The following ADGRL4 variants were observed in gnomAD, a reference collection of about 807,000 sequenced individuals.
ADGRL4 encodes adhesion G protein-coupled receptor L4, also known as EGF, latrophilin and seven transmembrane domain containing 1.
In ADGRL4, 90 loss-of-function variants were observed where a neutral mutation model predicts 74.8. The observed-to-expected ratio is 1.20, with a 90% CI of 1.02 to 1.43. The LOEUF is 1.43. ADGRL4 is among the 40% of genes most tolerant of loss of function. The pLI is 0.00. For synonymous variants in ADGRL4, 311 were observed against 279.2 expected (o/e 1.11, Z -1.14); for missense variants, 881 against 814.3 (o/e 1.08, Z -1.00).
intron 2 of ADGRL4, among the ~76,000 whole-genome samples, chr1:78,976,938 T>G (rs947771055): frequency 1.1e-4 from 16 of 151,812 alleles, no homozygotes; most frequent in African/African-American, 3.9e-4. Context: ...GAAGCCATCA[T>G]TAACGCTGGT....
At position 78,937,977 on chromosome 1, in the gene ADGRL4, GT is replaced by G; in HGVS notation, c.589del (p.Thr197ProfsTer2). The G allele has an allele frequency of 6.2e-7, 1 of 1,609,606 alleles. No homozygotes were observed. Among genetic ancestry groups the G allele is most frequent in the Non-Finnish European group, 8.5e-7 (1 of 1,178,834 alleles). ...SNSTLTEFVKTVNNFVQRDTF... is the reference protein window; with the variant it reads ...SNSTLTEFVKXVNNFVQRDTF... ...ATCCCTTTGAACAAAATTATTCACG[GT>G]TTTTACAAATTCCTATTGAAAAAAA... On this transcript the variant is annotated frameshift_variant, in exon 6 of 15. Coordinates refer to ENST00000370742, the MANE Select transcript of ADGRL4 (RefSeq NM_022159.4). LOFTEE classifies it high-confidence loss of function.
rs778182970 is a variant in ADGRL4, at chr1:78,917,967, G to C, written c.1545C>G (p.Leu515=). 5 of 1,612,332 alleles carry C rather than the reference G, an allele frequency of 3.1e-6. No homozygotes were observed. Among genetic ancestry groups the C allele is most frequent in the Non-Finnish European group, 4.2e-6 (5 of 1,179,062 alleles). The change falls in exon 11 of 15, where the codon CTC becomes CTG. Residue 515 remains leucine, a synonymous_variant. Transcript: ENST00000370742. Reference sequence around the variant, plus strand: ...AGATGACACCCACAACAATGAGATAGAGATGTATGCCTTCAATGCACATCC... The same window carrying C: ...AGATGACACCCACAACAATGAGATACAGATGTATGCCTTCAATGCACATCC... ...FAWMCIEGIH[L]YLIVVGVIYN...
intron 7 of ADGRL4, among the ~76,000 whole-genome samples, chr1:78,933,456 A>C (rs1246598447): frequency 6.6e-6 from 1 of 151,504 alleles, no homozygotes; most frequent in East Asian, 1.9e-4. Flanking sequence ...ATTTATGACA[A>C]ACCCACAGCC....
intron 12 of ADGRL4, among the ~76,000 whole-genome samples, chr1:78,893,976 T>A (rs1234674989): frequency 6.6e-6 from 1 of 151,838 alleles, no homozygotes; most frequent in African/African-American, 2.4e-5. Context: ...ATATGTTAAA[T>A]GTATAGATAG....
Position 78,994,417 on chromosome 1 carries a change from T to C in ADGRL4, c.172+10653A>G, listed in dbSNP as rs763668354. 9.1e-4 allele frequency among the ~76,000 whole-genome samples: 138 copies of C among 152,078 alleles called. 1 individual carries two copies. Among genetic ancestry groups the C allele is most frequent in the Non-Finnish European group, 1.5e-3 (103 of 67,988 alleles). ...TCAGCATAGGTAAAGAACAATAAAA[T>C]GGGGCATCAACAAACCAGAATTGTC... On this transcript the variant is annotated intron_variant, in intron 2 of 14. Transcript: ENST00000370742.
rs140426520 is a variant in ADGRL4, at chr1:78,898,037, G to A, written c.1750-4848C>T. Among the ~76,000 whole-genome samples the A allele has an allele frequency of 2.8e-3, 425 of 152,138 alleles. 2 individuals are homozygous for A. Among genetic ancestry groups the A allele is most frequent in the African/African-American group, 9.7e-3 (402 of 41,534 alleles). ...GGTGGAAATAAAGTTTACACGGTATGGAAAAATATCTTTGGGGAATTTTAT... is the reference window on the plus strand; with the variant it reads ...GGTGGAAATAAAGTTTACACGGTATAGAAAAATATCTTTGGGGAATTTTAT... On this transcript the variant is annotated intron_variant, in intron 12 of 14. Transcript: ENST00000370742.
At chr1:78,918,862 A>G (rs536679992) in intron 10 of ADGRL4, among the ~76,000 whole-genome samples, 14 of 152,064 alleles carry the variant, frequency 9.2e-5, no homozygotes, top group Non-Finnish European at 1.8e-4. Context: ...ATTGGCAATT[A>G]AAATTTGGAA....
chr1:78,920,118 G>A, intron 10 of ADGRL4, 65 bp downstream of exon 10: 5 of 1,190,170 alleles, frequency 4.2e-6, no homozygotes, highest in Non-Finnish European at 6.0e-6. Flanking sequence ...ATGTTTCTAG[G>A]ACATATACAT....
intron 2 of ADGRL4, among the ~76,000 whole-genome samples, chr1:78,989,342 T>C (rs886618991): frequency 2.6e-5 from 4 of 151,860 alleles, no homozygotes; most frequent in African/African-American, 9.7e-5. Flanking sequence ...AGATTGTCTT[T>C]GTAAACATGC....
chr1:78,981,280 AAAAT>A (rs1472134578), intron 2 of ADGRL4, among the ~76,000 whole-genome samples: 23 of 152,134 alleles, frequency 1.5e-4, no homozygotes, highest in African/African-American at 5.3e-4. Context: ...ATTTTAAAGT[AAAAT>A]AGATGAATGA....
At chr1:78,977,103 G>T (rs1650301524) in intron 2 of ADGRL4, among the ~76,000 whole-genome samples, 1 of 151,496 alleles carries the variant, frequency 6.6e-6, no homozygotes, top group Non-Finnish European at 1.5e-5. Context: ...TAGCATAAAA[G>T]TTAAATTATG....
intron 2 of ADGRL4, among the ~76,000 whole-genome samples, chr1:78,998,129 G>A (rs1650756690): frequency 6.6e-6 from 1 of 152,132 alleles, no homozygotes; most frequent in African/African-American, 2.4e-5. Flanking sequence ...ACAGGGGAAA[G>A]CCAGACTCTT....
intron 12 of ADGRL4, among the ~76,000 whole-genome samples, chr1:78,904,114 C>A (rs1648579895): frequency 6.6e-6 from 1 of 151,714 alleles, no homozygotes; most frequent in Non-Finnish European, 1.5e-5. Context: ...CACCAAATTT[C>A]AATGTATTCC....
chr1:78,945,745 A>G (rs1007457499), intron 3 of ADGRL4, among the ~76,000 whole-genome samples: 13 of 152,288 alleles, frequency 8.5e-5, no homozygotes, highest in Middle Eastern at 3.4e-3. Context: ...ATGATTTTAT[A>G]AAGAATTTTC....
chr1:78,917,773 A>T (rs12569007), intron 11 of ADGRL4, 57 bp downstream of exon 11: 1,018,469 of 1,580,814 alleles, frequency 0.64, 329,125 homozygotes, highest in East Asian at 0.71. Context: ...TTATCAAAGA[A>T]ATGCAAAGCA....
rs372732125 is a variant in ADGRL4 at position 78,975,226 on chromosome 1, T to C, written c.173-28800A>G. Among the ~76,000 whole-genome samples the C allele has an allele frequency of 2.2e-3, 337 of 152,194 alleles. 2 individuals are homozygous for C. Among genetic ancestry groups the C allele is most frequent in the African/African-American group, 7.7e-3 (321 of 41,546 alleles). Reference sequence around the variant, plus strand: ...TGTTTCTGGATATAACTGTAGTGAGTGGGACCAAAATGATGTATGAGTTGA... The same window carrying C: ...TGTTTCTGGATATAACTGTAGTGAGCGGGACCAAAATGATGTATGAGTTGA... On this transcript the variant is annotated intron_variant, in intron 2 of 14. Coordinates refer to ENST00000370742, the MANE Select transcript of ADGRL4 (RefSeq NM_022159.4).
intron 2 of ADGRL4, among the ~76,000 whole-genome samples, chr1:78,993,252 A>G (rs1650645158): frequency 6.6e-6 from 1 of 152,206 alleles, no homozygotes; most frequent in Non-Finnish European, 1.5e-5. Flanking sequence ...TTATGTGATC[A>G]TGCATTCCAT....
rs1294820214 is a variant in ADGRL4 at position 78,968,506 on chromosome 1, G to C, written c.173-22080C>G. ...TCTCTACTGGGGTGGAGGGCGGTGGGGGGGTGGGGGGGAGACGGGGGTCGG... is the reference window on the plus strand; with the variant it reads ...TCTCTACTGGGGTGGAGGGCGGTGGCGGGGTGGGGGGGAGACGGGGGTCGG... On this transcript the variant is annotated intron_variant, in intron 2 of 14. Coordinates refer to ENST00000370742, the MANE Select transcript of ADGRL4 (RefSeq NM_022159.4). Among the ~76,000 whole-genome samples, 26 of 142,502 alleles carry C rather than the reference G, an allele frequency of 1.8e-4. 1 individual carries two copies. The highest frequency in any genetic ancestry group is 5.6e-4 in the African/African-American group (22 of 39,520). The allele number at this position is 142,502 out of a possible 152,430, so 93.5% of individuals were successfully genotyped here.
intron 2 of ADGRL4, among the ~76,000 whole-genome samples, chr1:78,993,731 G>T (rs1036838787): frequency 1.3e-4 from 19 of 151,962 alleles, no homozygotes; most frequent in African/African-American, 4.6e-4. Context: ...ACCATGCTCG[G>T]CTAATTTTTT....
Sources: allele counts gnomAD v4.1 joint callset (sites outside exome capture counted in the v4.1 genomes callset), GRCh38; gene constraint gnomAD v4.1.1; transcripts MANE v1.5; gene names NCBI Gene and HGNC (gene_info 2026-07-23, HGNC 2026-07-21).